CEMIP: variants seen among roughly 807,000 people sequenced by gnomAD.
CEMIP encodes the protein cell migration-inducing and hyaluronan-binding protein.
CEMIP carries 105 observed loss-of-function variants against 156.9 expected under a neutral mutation model. The observed-to-expected ratio is 0.67, with a 90% CI of 0.57 to 0.79. The LOEUF is 0.79. CEMIP is among the 30% of genes least tolerant of loss of function. The pLI is 0.00. For missense variants in CEMIP, 1,457 were observed against 1,769.4 expected (o/e 0.82, Z 3.17); for synonymous variants, 676 against 668.4 (o/e 1.01, Z -0.17).
At chr15:80,813,493 G>A (rs994665217) in intron 1 of CEMIP, among the ~76,000 whole-genome samples, 2 of 151,992 alleles carry the variant, frequency 1.3e-5, no homozygotes, top group African/African-American at 4.8e-5. Context: ...GGGATTACAG[G>A]TGCTGCCACA....
intron 1 of CEMIP, among the ~76,000 whole-genome samples, chr15:80,817,146 T>C (rs1392173846): frequency 6.6e-6 from 1 of 152,128 alleles, no homozygotes; most frequent in Non-Finnish European, 1.5e-5. Context: ...GTAATTATTA[T>C]GATTATACAC....
chr15:80,847,707 G>A (rs2141725031), intron 1 of CEMIP, among the ~76,000 whole-genome samples: 1 of 152,344 alleles, frequency 6.6e-6, no homozygotes, highest in African/African-American at 2.4e-5. Flanking sequence ...CACTCCATGG[G>A]CTCAGAAGGC....
At chr15:80,871,034 C>G (rs1898270933) in intron 1 of CEMIP, among the ~76,000 whole-genome samples, 1 of 152,216 alleles carries the variant, frequency 6.6e-6, no homozygotes, top group Non-Finnish European at 1.5e-5. Flanking sequence ...CAGCTGGAAA[C>G]TGTTTCAGGA....
chr15:80,785,175 G>A (rs1022364786), intron 1 of CEMIP, among the ~76,000 whole-genome samples: 1 of 152,222 alleles, frequency 6.6e-6, no homozygotes, highest in Admixed American at 6.5e-5. Context: ...GCATTTGAAT[G>A]TAATTTTGGT....
chr15:80,941,848 G>A lies in CEMIP; in HGVS notation c.3408-1G>A, dbSNP rs1318278323. On this transcript the variant is annotated splice_acceptor_variant, in intron 25 of 29. Transcript: ENST00000394685. LOFTEE classifies it high-confidence loss of function. ...TGCCCAGCAATGCTCCTTGTGTGCA[G>A]GCTGTTGTTCCTGAAGCTGAAAGCT... is the stretch of plus-strand genomic sequence containing the variant. 6.2e-7 allele frequency: 1 copy of A among 1,613,312 alleles called. No homozygotes were observed.
chr15:80,780,914 G>C (rs1337642653), intron 1 of CEMIP, among the ~76,000 whole-genome samples: 1 of 152,206 alleles, frequency 6.6e-6, no homozygotes, highest in African/African-American at 2.4e-5. Context: ...AGTCCGCTGG[G>C]GCCCTCGGTA....
rs139946172 is a variant in CEMIP, at chr15:80,880,285, A to T, written c.380+431A>T. Among the ~76,000 whole-genome samples the T allele has an allele frequency of 3.9e-5, 6 of 152,356 alleles. No individual in the cohort carries two copies. The East Asian group carries it at 1.2e-3, about 29-fold the overall frequency. On this transcript the variant is annotated intron_variant, in intron 5 of 29. Transcript: ENST00000394685. ...AGGATATGCAGCGCATGTCCAGGTG[A>T]TTCCACATCTGATATGGACAAAAAT...
At chr15:80,895,754 T>C (rs1596167096) in intron 11 of CEMIP, 115 bp from the exon 12 acceptor site, 2 of 934,910 alleles carry the variant, frequency 2.1e-6, no homozygotes, top group East Asian at 5.1e-5. Flanking sequence ...ATCTGGGTTT[T>C]GGATAGGCAA....
intron 1 of CEMIP, among the ~76,000 whole-genome samples, chr15:80,829,601 G>A (rs1461718107): frequency 6.6e-6 from 1 of 152,236 alleles, no homozygotes; most frequent in Non-Finnish European, 1.5e-5. Flanking sequence ...TTTGAGGAAA[G>A]GAGGTAATAA....
chr15:80,781,167 CTG>C (rs1239951897), intron 1 of CEMIP, among the ~76,000 whole-genome samples: 1 of 152,180 alleles, frequency 6.6e-6, no homozygotes, highest in Non-Finnish European at 1.5e-5. Context: ...AAACTGTTTT[CTG>C]TGTAGGGCAC....
At chr15:80,781,718 G>T (rs572801941) in intron 1 of CEMIP, among the ~76,000 whole-genome samples, 31 of 152,326 alleles carry the variant, frequency 2.0e-4, no homozygotes, top group African/African-American at 7.2e-4. Flanking sequence ...AATGTTTTGT[G>T]CCTGTTTGCT....
At chr15:80,865,641 T>C (rs903621689) in intron 1 of CEMIP, among the ~76,000 whole-genome samples, 1 of 150,864 alleles carries the variant, frequency 6.6e-6, no homozygotes, top group Non-Finnish European at 1.5e-5. Context: ...ATGAAAATTA[T>C]GCACAGCCCT....
At position 80,866,255 on chromosome 15, in the gene CEMIP, T is replaced by C. The variant is rs917095954; in HGVS notation, c.-175-7283T>C. Among the ~76,000 whole-genome samples, 4 of 152,300 alleles carry C rather than the reference T, an allele frequency of 2.6e-5. 1 individual carries two copies. The South Asian group carries it at 6.2e-4, about 24-fold the overall frequency. On this transcript the variant is annotated intron_variant, in intron 1 of 29. Coordinates refer to ENST00000394685, the MANE Select transcript of CEMIP (RefSeq NM_001293298.2). ...CTTTGGCTCTGTAGGTGGTTCCCCA[T>C]TGGAAATTTCCCGTATCAATGTTTT...
At chr15:80,853,399 T>C (rs1897759688) in intron 1 of CEMIP, among the ~76,000 whole-genome samples, 1 of 152,172 alleles carries the variant, frequency 6.6e-6, no homozygotes, top group African/African-American at 2.4e-5. Context: ...CCTTTGTGCC[T>C]CTGGTCCAGT....
intron 17 of CEMIP, among the ~76,000 whole-genome samples, chr15:80,922,410 A>AG (rs1491147016): frequency 1.3e-5 from 2 of 152,146 alleles, no homozygotes; most frequent in Non-Finnish European, 2.9e-5. Context: ...TCATGCTGAC[A>AG]GGGGGAGAGC....
At chr15:80,910,739 G>A (rs1028510867) in intron 14 of CEMIP, among the ~76,000 whole-genome samples, 1 of 152,162 alleles carries the variant, frequency 6.6e-6, no homozygotes, top group African/African-American at 2.4e-5. Flanking sequence ...CAGTCAAGTG[G>A]AGAAACAACA....
intron 1 of CEMIP, among the ~76,000 whole-genome samples, chr15:80,799,523 A>G (rs1596097080): frequency 6.6e-6 from 1 of 152,362 alleles, no homozygotes; most frequent in East Asian, 1.9e-4. Flanking sequence ...ATTCACAAAT[A>G]GTGTATGGAA....
At chr15:80,909,789 G>A (rs1899973784) in intron 14 of CEMIP, 1 of 366,130 alleles carries the variant, frequency 2.7e-6, no homozygotes, top group South Asian at 2.1e-5. Flanking sequence ...AAATTGGCAT[G>A]TGTATCAGAG....
At chr15:80,917,338 A>G (rs1016120363) in intron 14 of CEMIP, among the ~76,000 whole-genome samples, 35 of 152,188 alleles carry the variant, frequency 2.3e-4, no homozygotes, top group Admixed American at 1.4e-3. Context: ...GAGTTTGATC[A>G]CAGCTGCAGA....
Sources: allele counts gnomAD v4.1 joint callset (sites outside exome capture counted in the v4.1 genomes callset), GRCh38; gene constraint gnomAD v4.1.1; transcripts MANE v1.5; gene names NCBI Gene and HGNC (gene_info 2026-07-23, HGNC 2026-07-21).